The following ETV5 variants were observed in gnomAD, a reference collection of about 807,000 sequenced individuals.
The protein encoded by ETV5 is ETS variant transcription factor 5.
A neutral mutation model predicts 70.0 loss-of-function variants in ETV5; 10 were observed. That is an observed-to-expected ratio of 0.14 (90% CI 0.09 to 0.24). The LOEUF (loss-of-function observed/expected upper bound fraction) is 0.24, where lower values mean the gene tolerates loss of function less well. Ranked by LOEUF, ETV5 falls within the 10% of genes least tolerant of loss-of-function variation. ETV5 has a pLI of 1.00. For synonymous variants in ETV5, 216 were observed against 242.2 expected, an observed-to-expected ratio of 0.89 and a Z score of 1.01; for missense variants, 453 against 651.2, an observed-to-expected ratio of 0.70 and a Z score of 3.31.
intron 7 of ETV5, among the ~76,000 whole-genome samples, chr3:186,074,890 C>T (rs1468262167): frequency 8.1e-6 from 1 of 123,448 alleles, no homozygotes; most frequent in Non-Finnish European, 1.7e-5. Flanking sequence ...AAAGAATAAA[C>T]AAGTTAGGTT....
intron 5 of ETV5, among the ~76,000 whole-genome samples, chr3:186,082,373 T>C (rs1178046702): frequency 6.6e-6 from 1 of 152,092 alleles, no homozygotes; most frequent in Non-Finnish European, 1.5e-5. Flanking sequence ...TCTTTAGGAG[T>C]TACTTCTTAG....
At chr3:186,094,483 T>C (rs1326344410) in intron 5 of ETV5, among the ~76,000 whole-genome samples, 1 of 152,186 alleles carries the variant, frequency 6.6e-6, no homozygotes, top group African/African-American at 2.4e-5. Flanking sequence ...TTTACTTCCT[T>C]TAAGTTCATA....
At chr3:186,102,371 G>A (rs762781165) in intron 5 of ETV5, among the ~76,000 whole-genome samples, 1 of 152,042 alleles carries the variant, frequency 6.6e-6, no homozygotes, top group Non-Finnish European at 1.5e-5. Flanking sequence ...AGTGGCTCAC[G>A]CCTGTAATTC....
At chr3:186,074,965 G>C (rs1198618590) in intron 7 of ETV5, among the ~76,000 whole-genome samples, 1 of 151,586 alleles carries the variant, frequency 6.6e-6, no homozygotes, top group East Asian at 1.9e-4. Flanking sequence ...AGAAATTAAA[G>C]GAGAAAATTA....
chr3:186,098,062 C>T (rs1161375611), intron 5 of ETV5, among the ~76,000 whole-genome samples: 1 of 152,164 alleles, frequency 6.6e-6, no homozygotes, highest in Non-Finnish European at 1.5e-5. Context: ...GCTGTGTTTA[C>T]GTAAGAAATT....
intron 9 of ETV5, among the ~76,000 whole-genome samples, chr3:186,058,526 G>C (rs1361968486): frequency 6.6e-6 from 1 of 152,172 alleles, no homozygotes; most frequent in Admixed American, 6.5e-5. Context: ...AGTGGGGGCA[G>C]GCAGGTGAAA....
intron 5 of ETV5, among the ~76,000 whole-genome samples, chr3:186,098,550 T>C (rs758514706): frequency 2.0e-5 from 3 of 152,154 alleles, no homozygotes; most frequent in Non-Finnish European, 2.9e-5. Context: ...CCCTCCTGAA[T>C]GCTCATGAGA....
chr3:186,053,539 C>T (rs1485471298), intron 11 of ETV5, among the ~76,000 whole-genome samples: 1 of 152,166 alleles, frequency 6.6e-6, no homozygotes, highest in Non-Finnish European at 1.5e-5. Context: ...CTAAAATGAC[C>T]TTTCATAAAA....
intron 7 of ETV5, among the ~76,000 whole-genome samples, 190 bp from the exon 8 acceptor site, chr3:186,066,262 CAA>C (rs10681607): frequency 1.4e-4 from 13 of 94,886 alleles, no homozygotes; most frequent in Middle Eastern, 0.019. Flanking sequence ...CAGGAAGTGG[CAA>C]AAAAAAAAAA....
intron 9 of ETV5, among the ~76,000 whole-genome samples, chr3:186,063,769 C>T (rs1047836310): frequency 6.6e-6 from 1 of 152,014 alleles, no homozygotes; most frequent in African/African-American, 2.4e-5. Context: ...GTACTCCCTA[C>T]CCCCTGCTAG....
intron 7 of ETV5, among the ~76,000 whole-genome samples, chr3:186,070,678 T>C (rs1298298053): frequency 1.3e-5 from 2 of 152,250 alleles, no homozygotes; most frequent in African/African-American, 4.8e-5. Context: ...ATTCAGTCCT[T>C]GTCCTCAAAA....
chr3:186,057,506 AAAAG>A lies in ETV5; in HGVS notation c.971-19_971-16del. On this transcript the variant is annotated splice_polypyrimidine_tract_variant and intron_variant, in intron 9 of 12. Coordinates refer to ENST00000306376, the MANE Select transcript of ETV5 (RefSeq NM_004454.3). The surrounding 1 kb of genome is among the most constrained non-coding windows in gnomAD (Gnocchi z 4.9). ...ATATGAAAAACCTGAAAGAGAATTT[AAAAG>A]AAAGACTACGTTGCTTAACAAATTC... The A allele has an allele frequency of 1.2e-6, 2 of 1,605,512 alleles. No homozygotes were observed. The highest frequency in any genetic ancestry group is 1.7e-6 in the Non-Finnish European group (2 of 1,172,234).
chr3:186,091,610 TAC>T (rs1714184528), intron 5 of ETV5, among the ~76,000 whole-genome samples: 1 of 152,076 alleles, frequency 6.6e-6, no homozygotes, highest in Non-Finnish European at 1.5e-5. Flanking sequence ...GAAAAAAAAC[TAC>T]AGTCAGCAGA....
At chr3:186,100,145 T>C (rs1012260538) in intron 5 of ETV5, among the ~76,000 whole-genome samples, 2 of 152,174 alleles carry the variant, frequency 1.3e-5, no homozygotes, top group African/African-American at 4.8e-5. Context: ...CTGGGCTAAC[T>C]AACAAACACT....
At position 186,048,212 on chromosome 3, in the gene ETV5, G is replaced by A. The variant is rs1324933221; in HGVS notation, c.*427C>T. On this transcript the variant is annotated 3_prime_UTR_variant, in exon 13 of 13. Coordinates refer to ENST00000306376, the MANE Select transcript of ETV5 (RefSeq NM_004454.3). ...CAACTTAGCCTACTTACTTTTCTAT[G>A]GGTTTGTGATTTTTCAACAAATTGT... 1.2e-5 allele frequency: 3 copies of A among 249,552 alleles called. No individual in the cohort carries two copies. The highest frequency in any genetic ancestry group is 2.4e-5 in the Non-Finnish European group (3 of 127,640). 15.5% of individuals were successfully genotyped at this position (249,552 alleles called of 1,614,324 possible).
chr3:186,069,185 G>A (rs564412858), intron 7 of ETV5, among the ~76,000 whole-genome samples: 5 of 152,214 alleles, frequency 3.3e-5, no homozygotes, highest in South Asian at 4.1e-4. Context: ...AAAGCAGCAC[G>A]GTAAGATCAT....
intron 5 of ETV5, among the ~76,000 whole-genome samples, chr3:186,082,715 G>A: frequency 6.6e-6 from 1 of 152,138 alleles, no homozygotes; most frequent in East Asian, 1.9e-4. Flanking sequence ...CACCGCACTC[G>A]GCCTAAACAA....
Position 186,052,423 on chromosome 3 carries a change from C to T in ETV5, c.1210-292G>A, listed in dbSNP as rs186279307. 7.2e-5 allele frequency among the ~76,000 whole-genome samples: 11 copies of T among 152,294 alleles called. No homozygotes were observed. The highest frequency in any genetic ancestry group is 2.6e-4 in the African/African-American group (11 of 41,560). The stretch of plus-strand genomic sequence containing the variant: ...ATGCAGGCCCTCTACTATTTCTCCA[C>T]GTATGAATTATTGACCAATACCCAT... On this transcript the variant is annotated intron_variant, in intron 11 of 12. Transcript: ENST00000306376. This position sits in a 1 kb window ranked among gnomAD's most constrained non-coding sequence, Gnocchi z 4.5.
intron 12 of ETV5, among the ~76,000 whole-genome samples, chr3:186,049,206 C>T (rs368629748): frequency 1.3e-5 from 2 of 152,194 alleles, no homozygotes; most frequent in Non-Finnish European, 2.9e-5. Flanking sequence ...AGGTGCAAGG[C>T]AGAAGCCTGA....
Sources: gnomAD v4.1 joint callset for allele counts (sites outside exome capture counted in the v4.1 genomes callset) on GRCh38, gnomAD v4.1.1 for gene constraint, Gnocchi (gnomAD v3.1) non-coding constraint, MANE v1.5 for transcripts, NCBI Gene and HGNC (gene_info 2026-07-23, HGNC 2026-07-21) for gene names.